SDK2: variants seen among roughly 807,000 people sequenced by gnomAD.
SDK2 encodes sidekick cell adhesion molecule 2.
SDK2 carries 105 observed loss-of-function variants against 253.9 expected under a neutral mutation model. The ratio of observed to expected loss-of-function variants is 0.41; its 90% CI spans 0.35 to 0.49. SDK2 has a LOEUF of 0.49. SDK2 is among the 20% of genes least tolerant of loss of function. SDK2 has a pLI of 0.06. For synonymous variants in SDK2, 1,249 were observed against 1,234.9 expected, an observed-to-expected ratio of 1.01 and a Z score of -0.24; for missense variants, 2,608 against 3,003.0, an observed-to-expected ratio of 0.87 and a Z score of 3.07.
At chr17:73,550,433 A>T (rs1001080680) in intron 1 of SDK2, among the ~76,000 whole-genome samples, 14 of 152,290 alleles carry the variant, frequency 9.2e-5, no homozygotes, top group African/African-American at 2.9e-4. Context: ...AAGTAGCACC[A>T]AAGGATAATT....
rs367745115 is a variant in SDK2, at chr17:73,612,917, A to AAATAATAATAATAATAATAATAAT, written c.64+31107_64+31108insATTATTATTATTATTATTATTATT. On this transcript the variant is annotated intron_variant, in intron 1 of 44. Transcript: ENST00000392650. This position sits in a 1 kb window ranked among gnomAD's most constrained non-coding sequence, Gnocchi z 4.4. ...GGGTGACAGAGCGAGACTCCGTCTC[A>AAATAATAATAATAATAATAATAAT]AATAATAATAATAATAATAATAGTA... Among the ~76,000 whole-genome samples, 4 of 151,464 alleles carry AAATAATAATAATAATAATAATAAT rather than the reference A, an allele frequency of 2.6e-5. No homozygotes were observed. The highest frequency in any genetic ancestry group is 9.7e-5 in the African/African-American group (4 of 41,192).
intron 44 of SDK2, 97 bp downstream of exon 44, chr17:73,348,502 T>G (rs542873194): frequency 3.8e-5 from 54 of 1,423,682 alleles, no homozygotes; most frequent in Admixed American, 1.1e-4. Context: ...TTGCTGCCCC[T>G]TGAAGGAAAG....
intron 1 of SDK2, chr17:73,517,297 C>T (rs2064037056): frequency 6.6e-6 from 1 of 152,166 alleles, no homozygotes; most frequent in Admixed American, 6.5e-5. Context: ...TTCCCAAAAC[C>T]TCAGAATGTG....
At chr17:73,556,897 G>A (rs2045152226) in intron 1 of SDK2, among the ~76,000 whole-genome samples, 1 of 152,184 alleles carries the variant, frequency 6.6e-6, no homozygotes, top group South Asian at 2.1e-4. Flanking sequence ...GCTTTGTGAG[G>A]ATTGTGTGAG....
In SDK2 at chr17:73,431,992, G is replaced by A. The variant is rs143896009; in HGVS notation, c.1313-323C>T. 9.6e-3 allele frequency among the ~76,000 whole-genome samples: 1,465 copies of A among 152,274 alleles called. 13 individuals are homozygous for A. The highest frequency in any genetic ancestry group is 0.012 in the Non-Finnish European group (813 of 68,018). ...TCCTGATGACGGTGAGCAGTAGCCC[G>A]GCACAGCCCTCAGAGGCAGCTGGCA... On this transcript the variant is annotated intron_variant, in intron 10 of 44. Coordinates refer to ENST00000392650, the MANE Select transcript of SDK2 (RefSeq NM_001144952.2). The surrounding 1 kb of genome is among the most constrained non-coding windows in gnomAD (Gnocchi z 5.6).
intron 12 of SDK2, among the ~76,000 whole-genome samples, chr17:73,426,853 G>A (rs538644656): frequency 4.6e-5 from 7 of 152,234 alleles, no homozygotes; most frequent in East Asian, 3.9e-4. Flanking sequence ...TTGGGAGGCC[G>A]AGGCTGGCGG....
chr17:73,423,968 G>A lies in SDK2; in HGVS notation c.1708C>T (p.Arg570Trp), dbSNP rs968751107. ...TCGTTGCCTCCTGCTGAGATCACCCGGCAGGTGTACGTGCCGATGTCTCCC... is the reference window on the plus strand; with the variant it reads ...TCGTTGCCTCCTGCTGAGATCACCCAGCAGGTGTACGTGCCGATGTCTCCC... Reference protein sequence around the residue: ...WSGDIGTYTCRVISAGGNDSR... With the variant: ...WSGDIGTYTCWVISAGGNDSR... Residue 570 changes from arginine (R) to tryptophan (W), a missense_variant, in exon 13 of 45, where the codon CGG (arginine) becomes TGG (tryptophan). Arg to Trp is a moderately radical substitution (Grantham distance 101). Transcript: ENST00000392650. The A allele has an allele frequency of 1.3e-5, 21 of 1,606,400 alleles. No individual in the cohort carries two copies. The highest frequency in any genetic ancestry group is 1.7e-5 in the Admixed American group (1 of 59,116).
intron 29 of SDK2, among the ~76,000 whole-genome samples, chr17:73,388,784 T>C (rs2062897135): frequency 9.4e-6 from 1 of 106,670 alleles, no homozygotes; most frequent in African/African-American, 3.4e-5. Context: ...CCTTCCTTCC[T>C]TCCTTCCCTC....
In SDK2 at chr17:73,496,422, G is replaced by A. The variant is rs1599620973; in HGVS notation, c.224+11016C>T. On this transcript the variant is annotated intron_variant, in intron 2 of 44. Coordinates refer to ENST00000392650, the MANE Select transcript of SDK2 (RefSeq NM_001144952.2). This position sits in a 1 kb window ranked among gnomAD's most constrained non-coding sequence, Gnocchi z 4.7. ...CAACGGTTTGCCAGGTAGCAGAGGC[G>A]TGCGAGGACGGTAGAGGTGGAGGAC... Among the ~76,000 whole-genome samples the A allele has an allele frequency of 6.6e-6, 1 of 152,184 alleles. No homozygotes were observed. Among genetic ancestry groups the A allele is most frequent in the Admixed American group, 6.5e-5 (1 of 15,272 alleles).
intron 2 of SDK2, among the ~76,000 whole-genome samples, chr17:73,506,847 T>C (rs2063939613): frequency 6.6e-6 from 1 of 152,216 alleles, no homozygotes; most frequent in Non-Finnish European, 1.5e-5. Flanking sequence ...CTTTCCCTGC[T>C]CTTCCTTCTC....
At chr17:73,589,366 G>C (rs1051631382) in intron 1 of SDK2, among the ~76,000 whole-genome samples, 16 of 152,240 alleles carry the variant, frequency 1.1e-4, no homozygotes, top group Admixed American at 1.0e-3. Flanking sequence ...TGGGAATGAG[G>C]GTGACCCTGT....
chr17:73,355,292 C>T (rs996434571), intron 40 of SDK2, among the ~76,000 whole-genome samples: 2 of 149,120 alleles, frequency 1.3e-5, no homozygotes, highest in African/African-American at 5.0e-5. Flanking sequence ...CTCCTCCTAC[C>T]TCAGCCTCTT....
intron 15 of SDK2, among the ~76,000 whole-genome samples, chr17:73,419,730 C>CAAAAAAAAAAAA (rs1335442338): frequency 1.5e-4 from 4 of 25,906 alleles, no homozygotes; most frequent in African/African-American, 2.9e-4. Flanking sequence ...AAAAAAAACC[C>CAAAAAAAAAAAA]AAAAAAACTC....
intron 1 of SDK2, among the ~76,000 whole-genome samples, chr17:73,605,775 G>A (rs953238983): frequency 1.3e-5 from 2 of 152,070 alleles, no homozygotes; most frequent in African/African-American, 4.8e-5. Flanking sequence ...TCGGATGCAC[G>A]TATACAACAC....
intron 1 of SDK2, among the ~76,000 whole-genome samples, chr17:73,568,807 G>GTT (rs2045343194): frequency 6.6e-6 from 1 of 152,078 alleles, no homozygotes. Context: ...CGTTAAACAG[G>GTT]CGACTGCAGA....
At chr17:73,559,125 T>C (rs1214647605) in intron 1 of SDK2, among the ~76,000 whole-genome samples, 1 of 152,134 alleles carries the variant, frequency 6.6e-6, no homozygotes, top group Admixed American at 6.5e-5. Flanking sequence ...TCAACTGGAC[T>C]CTCCTGCCTG....
At position 73,435,422 on chromosome 17, in the gene SDK2, G is replaced by A. The variant is rs371449206; in HGVS notation, c.1195+28C>T. ...CTGCGTCCTGGGAAGAGGGGCTCAC[G>A]GGCAGCACAAGGGAAGGCCCAACTT... On this transcript the variant is annotated intron_variant, in intron 9 of 44. Transcript: ENST00000392650. This position sits in a 1 kb window ranked among gnomAD's most constrained non-coding sequence, Gnocchi z 5.7. 47 of 1,556,428 alleles carry A rather than the reference G, an allele frequency of 3.0e-5. No individual in the cohort carries two copies. Among genetic ancestry groups the A allele is most frequent in the Non-Finnish European group, 3.4e-5 (39 of 1,147,480 alleles).
At chr17:73,384,623 C>T (rs1377254321) in intron 32 of SDK2, among the ~76,000 whole-genome samples, 2 of 152,198 alleles carry the variant, frequency 1.3e-5, no homozygotes, top group South Asian at 2.1e-4. Context: ...ATGGTCTGAC[C>T]AGCCTGGCCA....
At position 73,379,264 on chromosome 17, in the gene SDK2, G is replaced by C; in HGVS notation, c.4893C>G (p.Val1631=). The change falls in exon 36 of 45, where the codon GTC becomes GTG. Residue 1631 remains valine, a synonymous_variant. Transcript: ENST00000392650. This position sits in a 1 kb window ranked among gnomAD's most constrained non-coding sequence, Gnocchi z 4.5. ...AVPTAAPRNV[V]VHGATATQLD... is the part of the protein sequence containing the mutation. ...GCTGTGTGGCCGTGGCGCCGTGGAC[G>C]ACCACGTTACGAGGTGCTGCTGTGG... 1 of 1,555,430 alleles carries C rather than the reference G, an allele frequency of 6.4e-7. No homozygotes were observed.
Sources: gnomAD v4.1 joint callset for allele counts (sites outside exome capture counted in the v4.1 genomes callset) on GRCh38, gnomAD v4.1.1 for gene constraint, Gnocchi (gnomAD v3.1) non-coding constraint, MANE v1.5 for transcripts, NCBI Gene and HGNC (gene_info 2026-07-23, HGNC 2026-07-21) for gene names.